Variants in TBC1D19 observed in about 807,000 individuals in gnomAD.
The protein encoded by TBC1D19 is TBC1 domain family, member 19.
TBC1D19 carries 60 observed loss-of-function variants against 89.0 expected under a neutral mutation model. The ratio of observed to expected loss-of-function variants is 0.67; its 90% confidence interval spans 0.55 to 0.84. The LOEUF is 0.84. Among genes scored for constraint, TBC1D19 ranks in the 40% least tolerant of loss-of-function variants. The pLI, the probability that TBC1D19 is intolerant of heterozygous loss-of-function variation, is 0.00. For synonymous variants in TBC1D19, 189 were observed against 199.7 expected, an observed-to-expected ratio of 0.95 and a Z score of 0.45; for missense variants, 500 against 610.8, an observed-to-expected ratio of 0.82 and a Z score of 1.91.
At chr4:26,616,705 TAGTC>T (rs1465694014) in intron 3 of TBC1D19, among the ~76,000 whole-genome samples, 2 of 152,194 alleles carry the variant, frequency 1.3e-5, no homozygotes, top group Admixed American at 6.5e-5. Flanking sequence ...ACAAAGATTT[TAGTC>T]AGTTTCTTAT....
chr4:26,650,877 T>C (rs1421913212), intron 7 of TBC1D19, among the ~76,000 whole-genome samples: 1 of 152,238 alleles, frequency 6.6e-6, no homozygotes, highest in Non-Finnish European at 1.5e-5. Context: ...TAATCCATCT[T>C]GAATTAATTT....
At chr4:26,613,024 C>G (rs540096179) in intron 1 of TBC1D19, 145 bp from the exon 2 acceptor site, 75 of 589,180 alleles carry the variant, frequency 1.3e-4, no homozygotes, top group South Asian at 8.4e-4. Context: ...TAAGCTCTAT[C>G]TTCAAAGAGG....
chr4:26,836,888 A>G, the TBC1D19 span, among the ~76,000 whole-genome samples: 1 of 152,054 alleles, frequency 6.6e-6, no homozygotes, highest in Non-Finnish European at 1.5e-5. Context: ...TGTTTCTTCC[A>G]TTTACTCTTC....
At chr4:26,767,364 C>T in the TBC1D19 span, among the ~76,000 whole-genome samples, 1 of 152,142 alleles carries the variant, frequency 6.6e-6, no homozygotes. Flanking sequence ...AGATAGTCTT[C>T]CTCAAAACAC....
intron 4 of TBC1D19, among the ~76,000 whole-genome samples, chr4:26,635,095 T>C (rs1276858427): frequency 6.6e-6 from 1 of 152,162 alleles, no homozygotes; most frequent in Non-Finnish European, 1.5e-5. Context: ...TTTGGTTCCT[T>C]ATAATAGGAT....
intron 15 of TBC1D19, among the ~76,000 whole-genome samples, chr4:26,723,379 T>C (rs1717098476): frequency 6.6e-6 from 1 of 152,054 alleles, no homozygotes; most frequent in African/African-American, 2.4e-5. Flanking sequence ...CTGTCACTAC[T>C]ACCACCAAAA....
At chr4:26,642,424 G>C (rs548457490) in intron 7 of TBC1D19, among the ~76,000 whole-genome samples, 1 of 152,120 alleles carries the variant, frequency 6.6e-6, no homozygotes, top group East Asian at 1.9e-4. Flanking sequence ...GAGCTCCTGA[G>C]GGAAGCACTA....
chr4:26,730,728 C>T (rs745728757), intron 15 of TBC1D19, among the ~76,000 whole-genome samples: 2 of 152,220 alleles, frequency 1.3e-5, no homozygotes, highest in African/African-American at 2.4e-5. Context: ...ACACCTTGGA[C>T]AGGCTTCATG....
At chr4:26,780,325 G>T in the TBC1D19 span, among the ~76,000 whole-genome samples, 1 of 152,162 alleles carries the variant, frequency 6.6e-6, no homozygotes, top group African/African-American at 2.4e-5. Context: ...GATAAAACTG[G>T]TCGTCAGAAC....
At chr4:26,840,641 ATGT>A in the TBC1D19 span, among the ~76,000 whole-genome samples, 2 of 152,040 alleles carry the variant, frequency 1.3e-5, no homozygotes, top group African/African-American at 4.8e-5. Context: ...CTCGTGGGAA[ATGT>A]TGTAGACCCA....
rs1325838127 is a variant in TBC1D19, at chr4:26,734,965, T to TATATGTATACAC, written c.1085-480_1085-469dup. Among the ~76,000 whole-genome samples the TATATGTATACAC allele has an allele frequency of 9.7e-4, 146 of 150,568 alleles. 1 individual carries two copies. The highest frequency in any genetic ancestry group is 1.5e-3 in the Non-Finnish European group (104 of 67,486). On this transcript the variant is annotated intron_variant, in intron 15 of 20. Coordinates refer to ENST00000264866, the MANE Select transcript of TBC1D19 (RefSeq NM_018317.4). ...ATATGTATACACATATGTATATGTA[T>TATATGTATACAC]ATATGTATACACATATGTATATGTA...
At chr4:26,680,177 C>T (rs989402738) in intron 11 of TBC1D19, among the ~76,000 whole-genome samples, 6 of 152,092 alleles carry the variant, frequency 3.9e-5, no homozygotes, top group Admixed American at 1.3e-4. Context: ...GAAGTGTGAA[C>T]CAATTAAACC....
chr4:26,744,965 C>A (rs1454529556), intron 18 of TBC1D19, among the ~76,000 whole-genome samples: 1 of 152,118 alleles, frequency 6.6e-6, no homozygotes, highest in East Asian at 1.9e-4. Flanking sequence ...GAAATGTGAT[C>A]AGCTCTAATT....
At position 26,736,318 on chromosome 4, in the gene TBC1D19, C is replaced by A. The variant is rs544781054; in HGVS notation, c.1117+831C>A. Among the ~76,000 whole-genome samples the A allele has an allele frequency of 2.1e-5, 3 of 145,640 alleles. No individual in the cohort carries two copies. The South Asian group carries it at 7.0e-4, about 34-fold the overall frequency. ...AACAAAAAACCAAACACCGCATATT[C>A]TCATTCATAGGTGGGAATTGAACAA... On this transcript the variant is annotated intron_variant, in intron 16 of 20. Coordinates refer to ENST00000264866, the MANE Select transcript of TBC1D19 (RefSeq NM_018317.4).
chr4:26,733,883 T>A (rs1030400133), intron 15 of TBC1D19, among the ~76,000 whole-genome samples: 1 of 152,028 alleles, frequency 6.6e-6, no homozygotes, highest in Admixed American at 6.6e-5. Context: ...GATTAGAGAT[T>A]TTAGTCAGCT....
chr4:26,850,276 C>T, the TBC1D19 span, among the ~76,000 whole-genome samples: 496 of 151,926 alleles, frequency 3.3e-3, 3 homozygotes, highest in Non-Finnish European at 5.9e-3. Context: ...GGGCCCGGCG[C>T]GGTGACTCAC....
chr4:26,675,464 G>A (rs1476552957), intron 11 of TBC1D19, among the ~76,000 whole-genome samples: 2 of 151,982 alleles, frequency 1.3e-5, no homozygotes, highest in African/African-American at 2.4e-5. Context: ...TTTTCTAATT[G>A]CAAAGTGACA....
intron 7 of TBC1D19, among the ~76,000 whole-genome samples, chr4:26,657,012 C>CTTCTCT: frequency 4.9e-5 from 6 of 121,516 alleles, no homozygotes; most frequent in Non-Finnish European, 1.0e-4. Context: ...TCTCCTTCTC[C>CTTCTCT]TTCTCCTTCT....
intron 13 of TBC1D19, among the ~76,000 whole-genome samples, chr4:26,710,703 C>A (rs1349061988): frequency 6.6e-6 from 1 of 152,180 alleles, no homozygotes; most frequent in Non-Finnish European, 1.5e-5. Flanking sequence ...TGTTTCCTGA[C>A]TTTTTAATGA....
Sources: allele counts gnomAD v4.1 joint callset (sites outside exome capture counted in the v4.1 genomes callset), GRCh38; gene constraint gnomAD v4.1.1; transcripts MANE v1.5; gene names NCBI Gene and HGNC (gene_info 2026-07-23, HGNC 2026-07-21).